Variants in DRC9 observed in about 807,000 individuals in gnomAD.
The protein encoded by DRC9 is dynein regulatory complex subunit 9, also known as dynein regulatory complex protein 9.
the DRC9 span, among the ~76,000 whole-genome samples, chr3:197,946,333 G>C: frequency 0.35 from 52,707 of 149,192 alleles, 13,898 homozygotes; most frequent in African/African-American, 0.77. Flanking sequence ...TACTCGGGAG[G>C]CTGAGGCAGG....
the DRC9 span, among the ~76,000 whole-genome samples, chr3:197,896,721 G>A: frequency 2.0e-5 from 3 of 152,210 alleles, no homozygotes; most frequent in East Asian, 1.9e-4. Context: ...TTCACTTGGC[G>A]GAATGGGAAA....
the DRC9 span, among the ~76,000 whole-genome samples, chr3:197,934,183 C>CTTTTTTTTTTT: frequency 0.051 from 5,010 of 99,054 alleles, 1,067 homozygotes; most frequent in African/African-American, 0.16. Flanking sequence ...CATTCTGGGT[C>CTTTTTTTTTTT]TTTTTTTTTT....
the DRC9 span, chr3:197,959,797 G>C: frequency 6.0e-6 from 1 of 166,130 alleles, no homozygotes; most frequent in African/African-American, 2.4e-5. Flanking sequence ...TAAGTAATGG[G>C]CCTAAAGTTG....
the DRC9 span, among the ~76,000 whole-genome samples, chr3:197,927,514 C>T: frequency 6.6e-6 from 1 of 152,212 alleles, no homozygotes; most frequent in Non-Finnish European, 1.5e-5. Flanking sequence ...GTGTGAGCCA[C>T]TGCACCCAGC....
the DRC9 span, among the ~76,000 whole-genome samples, chr3:197,939,821 C>T: frequency 6.6e-6 from 1 of 152,128 alleles, no homozygotes; most frequent in South Asian, 2.1e-4. Flanking sequence ...TCACTGTGAC[C>T]TCTGGGATGC....
the DRC9 span, among the ~76,000 whole-genome samples, chr3:197,928,434 C>T: frequency 6.6e-6 from 1 of 151,446 alleles, no homozygotes; most frequent in Admixed American, 6.6e-5. Flanking sequence ...CTGCAACCTC[C>T]ACCTCTCGGG....
chr3:197,945,354 T>A, the DRC9 span, among the ~76,000 whole-genome samples: 1 of 152,190 alleles, frequency 6.6e-6, no homozygotes, highest in Non-Finnish European at 1.5e-5. Flanking sequence ...TGGAAGTGGA[T>A]ACTGCAGCCC....
the DRC9 span, chr3:197,957,457 GGTT>G: frequency 7.0e-6 from 1 of 142,090 alleles, no homozygotes; most frequent in African/African-American, 3.1e-5. Flanking sequence ...GGATTGTGGT[GGTT>G]TTTTTTTTTT....
the DRC9 span, chr3:197,913,442 TCCTATAA>T: frequency 3.6e-6 from 1 of 280,656 alleles, no homozygotes; most frequent in Non-Finnish European, 6.9e-6. Flanking sequence ...TGACTTCTCA[TCCTATAA>T]ACTCAGGTTT....
At chr3:197,954,091 C>G in the DRC9 span, 5 of 1,614,008 alleles carry the variant, frequency 3.1e-6, no homozygotes, top group Admixed American at 8.3e-5. Context: ...TGGCATGGTT[C>G]GTGCCAAATT....
At chr3:197,956,140 A>C in the DRC9 span, 3 of 287,984 alleles carry the variant, frequency 1.0e-5, no homozygotes, top group Middle Eastern at 1.2e-3. Flanking sequence ...AATTTTTTGT[A>C]GAGAGGGTCT....
At chr3:197,938,534 T>C in the DRC9 span, 3 of 1,586,896 alleles carry the variant, frequency 1.9e-6, no homozygotes, top group Non-Finnish European at 2.6e-6. Flanking sequence ...CTGCCAAATG[T>C]CTTCCTTCCT....
chr3:197,933,746 G>C, the DRC9 span, among the ~76,000 whole-genome samples: 1 of 151,840 alleles, frequency 6.6e-6, no homozygotes, highest in Non-Finnish European at 1.5e-5. Context: ...AGCATGTTGT[G>C]ATACTTTTAT....
chr3:197,906,939 T>C, the DRC9 span, among the ~76,000 whole-genome samples: 1 of 152,234 alleles, frequency 6.6e-6, no homozygotes, highest in Non-Finnish European at 1.5e-5. Flanking sequence ...ATTTTGTTCC[T>C]AGAGATACCA....
At chr3:197,943,225 T>A in the DRC9 span, among the ~76,000 whole-genome samples, 2 of 152,142 alleles carry the variant, frequency 1.3e-5, no homozygotes, top group Non-Finnish European at 2.9e-5. Flanking sequence ...ACTCAGTAAT[T>A]CCATCTCTTC....
the DRC9 span, chr3:197,957,140 G>A: frequency 6.6e-6 from 1 of 152,210 alleles, no homozygotes; most frequent in East Asian, 1.9e-4. Context: ...CCATCTCCTG[G>A]AGACAGGACT....
chr3:197,956,601 T>A, the DRC9 span: 1 of 151,724 alleles, frequency 6.6e-6, no homozygotes, highest in South Asian at 2.1e-4. Flanking sequence ...ATAAAACAAC[T>A]AAGGCATCAG....
chr3:197,926,475 T>G, the DRC9 span, among the ~76,000 whole-genome samples: 4,576 of 152,226 alleles, frequency 0.03, 259 homozygotes, highest in African/African-American at 0.11. Flanking sequence ...CAATTACATA[T>G]TCTAACCCTC....
the DRC9 span, chr3:197,953,487 G>T: frequency 2.2e-6 from 1 of 456,798 alleles, no homozygotes; most frequent in Non-Finnish European, 4.4e-6. Context: ...CTTTATCTCA[G>T]CTGGGATTAA....
Sources: allele counts gnomAD v4.1 joint callset (sites outside exome capture counted in the v4.1 genomes callset), GRCh38; gene constraint gnomAD v4.1.1; transcripts MANE v1.5; gene names NCBI Gene and HGNC (gene_info 2026-07-23, HGNC 2026-07-21).